Variants in DHX34 observed in about 807,000 individuals in gnomAD.
The protein encoded by DHX34 is DExH-box helicase 34.
A neutral mutation model predicts 111.1 loss-of-function variants in DHX34; 96 were observed. That is an observed-to-expected ratio of 0.86 (90% CI 0.73 to 1.02). DHX34 has a LOEUF of 1.02. Ranked by LOEUF, DHX34 falls within the 50% of genes least tolerant of loss-of-function variation. The pLI is 0.00. For synonymous variants in DHX34, 688 were observed against 670.4 expected (o/e 1.03, Z -0.41); for missense variants, 1,560 against 1,579.9 (o/e 0.99, Z 0.21).
chr19:47,351,653 C>A (rs1315942330), intron 1 of DHX34, among the ~76,000 whole-genome samples: 1 of 152,124 alleles, frequency 6.6e-6, no homozygotes, highest in East Asian at 1.9e-4. Context: ...ATCAAACTTG[C>A]CTGATTATGA....
chr19:47,362,678 C>T lies in DHX34; in HGVS notation c.1578C>T (p.Asp526=). ...CAGAAATTCGGAGGGTGGCCCTGGACTCGTTGGTGCTGCAGGTGAGGCATG... is the reference window on the plus strand; with the variant it reads ...CAGAAATTCGGAGGGTGGCCCTGGATTCGTTGGTGCTGCAGGTGAGGCATG... The part of the protein sequence containing the change: ...PVPEIRRVAL[D]SLVLQMKSMS... Residue 526 remains aspartate (D), a synonymous_variant, in exon 6 of 17, where the codon GAC becomes GAT. Coordinates refer to ENST00000328771, the MANE Select transcript of DHX34 (RefSeq NM_014681.6). 1 of 1,612,312 alleles carries T rather than the reference C, an allele frequency of 6.2e-7. No homozygotes were observed. Among genetic ancestry groups the T allele is most frequent in the Non-Finnish European group, 8.5e-7 (1 of 1,179,628 alleles).
In DHX34 at chr19:47,373,355, G is replaced by A. The variant is rs920307718; in HGVS notation, c.1963-244G>A. On this transcript the variant is annotated intron_variant, in intron 8 of 16. Coordinates refer to ENST00000328771, the MANE Select transcript of DHX34 (RefSeq NM_014681.6). The stretch of plus-strand genomic sequence containing the variant: ...GGAGACAGACCACTGATGTGACAGT[G>A]ACAACCCAGAGAGGGCTGGAATGGG... 5.8e-6 allele frequency: 3 copies of A among 514,850 alleles called. No homozygotes were observed. The African/African-American group carries it at 6.2e-5, about 11-fold the overall frequency. The allele number at this position is 514,850 out of a possible 1,614,324, so 31.9% of individuals were successfully genotyped here. A position where few individuals can be genotyped will look rare whatever the true frequency, so the allele number is the denominator to read the frequency against.
chr19:47,372,990 GCTC>G (rs1970018421), intron 8 of DHX34, 67 bp downstream of exon 8: 1 of 1,483,928 alleles, frequency 6.7e-7, no homozygotes, highest in African/African-American at 1.4e-5. Context: ...TGTGGCTGTG[GCTC>G]CTCCTCGTGT....
Position 47,379,982 on chromosome 19 carries a change from C to T in DHX34, c.2979C>T (p.Ser993=). 6.3e-7 allele frequency: 1 copy of T among 1,580,896 alleles called. No individual in the cohort carries two copies. Among genetic ancestry groups the T allele is most frequent in the Non-Finnish European group, 8.7e-7 (1 of 1,155,280 alleles). Residue 993 remains serine, a synonymous_variant, in exon 14 of 17, where the codon TCC becomes TCT. Transcript: ENST00000328771. The part of the protein sequence containing the change: ...LSKELLQFTA[S]KIPYSLRRLT... ...AGGAACTCCTGCAATTCACGGCATCCAAGGTACCCTCCACCAGGGTGCCCG... is the reference window on the plus strand; with the variant it reads ...AGGAACTCCTGCAATTCACGGCATCTAAGGTACCCTCCACCAGGGTGCCCG...
At position 47,376,434 on chromosome 19, in the gene DHX34, C is replaced by T. The variant is rs536819785; in HGVS notation, c.2482-9C>T. 1.2e-4 allele frequency: 197 copies of T among 1,609,770 alleles called. 1 individual carries two copies. Among genetic ancestry groups the T allele is most frequent in the Non-Finnish European group, 1.7e-4 (195 of 1,178,536 alleles). The stretch of plus-strand genomic sequence containing the variant: ...AGGAGGGCTTGTGCTTTCTCTCTGT[C>T]CTCCGCAGATTTTCCACACGCAGGC... On this transcript the variant is annotated splice_polypyrimidine_tract_variant and intron_variant, in intron 11 of 16. Transcript: ENST00000328771.
At chr19:47,370,748 C>T (rs897735007) in intron 7 of DHX34, among the ~76,000 whole-genome samples, 3 of 152,192 alleles carry the variant, frequency 2.0e-5, no homozygotes, top group Non-Finnish European at 4.4e-5. Flanking sequence ...ATGATCTTGG[C>T]TCACTGCAAC....
At position 47,362,710 on chromosome 19, in the gene DHX34, A is replaced by C. The variant is rs768507178; in HGVS notation, c.1593+17A>C. 6.2e-7 allele frequency: 1 copy of C among 1,601,130 alleles called. No homozygotes were observed. The highest frequency in any genetic ancestry group is 2.3e-5 in the East Asian group (1 of 44,294). On this transcript the variant is annotated intron_variant, in intron 6 of 16. Transcript: ENST00000328771. ...GTGCTGCAGGTGAGGCATGGGCAGA[A>C]AGGGGACTATATCCTAACTGCTGGC...
chr19:47,366,905 G>A, intron 6 of DHX34, 76 bp from the exon 7 acceptor site: 1 of 1,420,196 alleles, frequency 7.0e-7, no homozygotes, highest in Non-Finnish European at 9.3e-7. Flanking sequence ...TCATGAATTT[G>A]TGATCTCTGA....
At chr19:47,380,788 T>C (rs1264332834) in intron 14 of DHX34, 28 bp from the exon 15 acceptor site, 4 of 1,613,122 alleles carry the variant, frequency 2.5e-6, no homozygotes, top group African/African-American at 1.3e-5. Flanking sequence ...AGTCTGTCTC[T>C]CTCCATTTCC....
chr19:47,379,011 C>A (rs999856820), intron 13 of DHX34, among the ~76,000 whole-genome samples: 1 of 151,932 alleles, frequency 6.6e-6, no homozygotes, highest in African/African-American at 2.4e-5. Flanking sequence ...TGCCTGTAAT[C>A]CCAGCTACTA....
At position 47,357,926 on chromosome 19, in the gene DHX34, C is replaced by T. The variant is rs746767339; in HGVS notation, c.1078C>T (p.Arg360Trp). Residue 360 changes from arginine to tryptophan, a missense_variant, in exon 4 of 17, where the codon CGG (arginine) becomes TGG (tryptophan). Physicochemically the swap from Arg to Trp is moderately radical, Grantham distance 101. Transcript: ENST00000328771. ...GTCCAAGTCAGAGAAGCTGGACCCG[C>T]GGCCTTTCCTGAGGGTGCTGGAGTC... Reference protein sequence around the residue: ...TTSKSEKLDPRPFLRVLESID... With the variant: ...TTSKSEKLDPWPFLRVLESID... The T allele has an allele frequency of 8.1e-6, 13 of 1,614,018 alleles. No homozygotes were observed. The highest frequency in any genetic ancestry group is 2.2e-5 in the South Asian group (2 of 91,088).
At position 47,362,576 on chromosome 19, in the gene DHX34, G is replaced by A. The variant is rs559259102; in HGVS notation, c.1476G>A (p.Ala492=). 23 of 1,613,552 alleles carry A rather than the reference G, an allele frequency of 1.4e-5. No individual in the cohort carries two copies. The highest frequency in any genetic ancestry group is 5.3e-5 in the African/African-American group (4 of 75,006). The stretch of plus-strand genomic sequence containing the variant: ...GCGCAGAGCAGCGGAAGGGCCGGGC[G>A]GGCCGCACGGGCCCCGGAGTCTGCT... ...QASAEQRKGR[A]GRTGPGVCFR... Residue 492 remains alanine, a synonymous_variant, in exon 6 of 17, where the codon GCG becomes GCA. Coordinates refer to ENST00000328771, the MANE Select transcript of DHX34 (RefSeq NM_014681.6).
chr19:47,382,359 T>C lies in DHX34; in HGVS notation c.*246T>C. The C allele has an allele frequency of 1.6e-6, 1 of 636,334 alleles. No individual in the cohort carries two copies. The highest frequency in any genetic ancestry group is 2.5e-6 in the Non-Finnish European group (1 of 404,286). The allele number at this position is 636,334 out of a possible 1,614,324, so 39.4% of individuals were successfully genotyped here. On this transcript the variant is annotated 3_prime_UTR_variant, in exon 17 of 17. Transcript: ENST00000328771. The stretch of plus-strand genomic sequence containing the variant: ...CCTCCCCAGGGTCTAGCTTTCCTTC[T>C]TCCTGCTGCAGGGTGCTGCCTGAGG...
intron 7 of DHX34, among the ~76,000 whole-genome samples, chr19:47,368,076 T>C (rs1248364516): frequency 1.3e-5 from 2 of 151,074 alleles, no homozygotes; most frequent in South Asian, 2.1e-4. Flanking sequence ...GGACCAGCCA[T>C]GTTCAACTGC....
At chr19:47,351,003 C>T (rs1399407808) in intron 1 of DHX34, among the ~76,000 whole-genome samples, 3 of 151,694 alleles carry the variant, frequency 2.0e-5, no homozygotes, top group Non-Finnish European at 2.9e-5. Flanking sequence ...GGCAAATAGG[C>T]CAAGAGACCA....
At chr19:47,377,682 G>A (rs1970214066) in intron 13 of DHX34, among the ~76,000 whole-genome samples, 1 of 151,830 alleles carries the variant, frequency 6.6e-6, no homozygotes, top group Non-Finnish European at 1.5e-5. Flanking sequence ...GCAGACATGT[G>A]CCTGGCGTGC....
chr19:47,356,420 A>G lies in DHX34; in HGVS notation c.1017+1070A>G, dbSNP rs536756496. On this transcript the variant is annotated intron_variant, in intron 3 of 16. Coordinates refer to ENST00000328771, the MANE Select transcript of DHX34 (RefSeq NM_014681.6). The stretch of plus-strand genomic sequence containing the variant: ...GCTAAGGCAGAAAGATCACGAGGTC[A>G]GGAGCCCAAGACCATCCTGGCCAAC... Among the ~76,000 whole-genome samples, 6 of 152,178 alleles carry G rather than the reference A, an allele frequency of 3.9e-5. No individual in the cohort carries two copies. In the South Asian group the frequency reaches 1.2e-3, roughly 32 times the overall value.
intron 5 of DHX34, among the ~76,000 whole-genome samples, chr19:47,361,445 G>A (rs1031007062): frequency 2.0e-5 from 3 of 150,628 alleles, no homozygotes; most frequent in Non-Finnish European, 3.0e-5. Flanking sequence ...GCAACAGAGC[G>A]AGACCCTGTT....
intron 14 of DHX34, among the ~76,000 whole-genome samples, chr19:47,380,459 G>C (rs927137074): frequency 3.9e-5 from 6 of 151,954 alleles, no homozygotes; most frequent in African/African-American, 7.3e-5. Context: ...AGGGCTTGAG[G>C]ACAAAGGAGC....
Sources: gnomAD v4.1 joint callset for allele counts (sites outside exome capture counted in the v4.1 genomes callset) on GRCh38, gnomAD v4.1.1 for gene constraint, MANE v1.5 for transcripts, NCBI Gene and HGNC (gene_info 2026-07-23, HGNC 2026-07-21) for gene names.